The following HERC3 variants were observed in gnomAD, a reference collection of about 807,000 sequenced individuals.
HERC3 encodes the protein probable E3 ubiquitin-protein ligase HERC3.
HERC3 carries 58 observed loss-of-function variants against 129.9 expected under a neutral mutation model. The ratio of observed to expected loss-of-function variants is 0.45; its 90% CI spans 0.36 to 0.56. The LOEUF is 0.56. HERC3 is among the 20% of genes least tolerant of loss of function. The probability of loss-of-function intolerance (pLI) is 0.00; values close to 1 mark genes in which losing one functional copy is unlikely to be tolerated. For synonymous variants in HERC3, 430 were observed against 451.0 expected (o/e 0.95, Z 0.59); for missense variants, 835 against 1,244.2 (o/e 0.67, Z 4.95).
intron 16 of HERC3, among the ~76,000 whole-genome samples, chr4:88,674,682 G>A (rs552833807): frequency 6.6e-6 from 1 of 151,618 alleles, no homozygotes; most frequent in South Asian, 2.1e-4. Context: ...TTATGGTGTG[G>A]TTTTGTTTTT....
intron 8 of HERC3, 128 bp from the exon 9 acceptor site, chr4:88,655,747 G>A (rs1400348813): frequency 3.6e-6 from 3 of 833,602 alleles, no homozygotes; most frequent in South Asian, 1.8e-5. Flanking sequence ...GAAGAGTCAC[G>A]TGTTAACATG....
chr4:88,664,978 T>C (rs1730888759), intron 12 of HERC3, among the ~76,000 whole-genome samples: 1 of 152,206 alleles, frequency 6.6e-6, no homozygotes, highest in Non-Finnish European at 1.5e-5. Context: ...TTTGGATCTT[T>C]GGTAATCCCA....
intron 3 of HERC3, among the ~76,000 whole-genome samples, chr4:88,622,669 G>A (rs557172024): frequency 2.2e-4 from 33 of 152,110 alleles, no homozygotes; most frequent in Admixed American, 1.8e-3. Flanking sequence ...GGTGGCTCAC[G>A]CCTGTAATCC....
At chr4:88,558,071 C>CA in the HERC3 span, among the ~76,000 whole-genome samples, 3,474 of 38,648 alleles carry the variant, frequency 0.09, 171 homozygotes, top group South Asian at 0.16. Context: ...GACTCTGACT[C>CA]AAAAAAAAAA....
chr4:88,609,573 T>G (rs964398844), intron 3 of HERC3, among the ~76,000 whole-genome samples: 8 of 152,184 alleles, frequency 5.3e-5, no homozygotes, highest in African/African-American at 1.9e-4. Context: ...GCAAGTTTCT[T>G]CCTATTTCTG....
At chr4:88,665,229 T>C (rs1036308014) in intron 12 of HERC3, among the ~76,000 whole-genome samples, 15 of 151,996 alleles carry the variant, frequency 9.9e-5, no homozygotes, top group African/African-American at 3.6e-4. Context: ...ATTATGGAGG[T>C]TGAGAGATCC....
the HERC3 span, among the ~76,000 whole-genome samples, chr4:88,528,546 A>G: frequency 2.6e-5 from 4 of 152,114 alleles, no homozygotes; most frequent in African/African-American, 4.8e-5. Context: ...CCTCTGTGTC[A>G]TGCCCAGTCT....
At chr4:88,660,843 G>C (rs1006714530) in intron 10 of HERC3, among the ~76,000 whole-genome samples, 1 of 152,106 alleles carries the variant, frequency 6.6e-6, no homozygotes, top group African/African-American at 2.4e-5. Flanking sequence ...GATGACTCTA[G>C]AGATTCTGAT....
In HERC3 at chr4:88,685,431, G is replaced by A. The variant is rs190208673; in HGVS notation, c.2508-1305G>A. On this transcript the variant is annotated intron_variant, in intron 21 of 25. Transcript: ENST00000402738. ...ACTATGCAGCCATAAAAATGAATGA[G>A]TTTATGTCCTTTGCAGGGACATGGA... 1.0e-3 allele frequency among the ~76,000 whole-genome samples: 157 copies of A among 152,322 alleles called. 2 individuals are homozygous for A. Among genetic ancestry groups the A allele is most frequent in the Non-Finnish European group, 7.6e-4 (52 of 68,012 alleles).
At position 88,708,304 on chromosome 4, in the gene HERC3, T is replaced by G. The variant is rs969031655; in HGVS notation, c.*1344T>G. On this transcript the variant is annotated 3_prime_UTR_variant, in exon 26 of 26. Transcript: ENST00000402738. Reference sequence around the variant, plus strand: ...CCTAGTAACTAGAGAAAAGACTTATTTATATAAAATGAAGTATTTATGAAC... The same window carrying G: ...CCTAGTAACTAGAGAAAAGACTTATGTATATAAAATGAAGTATTTATGAAC... 6.6e-6 allele frequency: 1 copy of G among 152,614 alleles called. No individual in the cohort carries two copies. The highest frequency in any genetic ancestry group is 1.5e-5 in the Non-Finnish European group (1 of 68,042). The allele number at this position is 152,614 out of a possible 1,614,324, so 9.5% of individuals were successfully genotyped here. A position where few individuals can be genotyped will look rare whatever the true frequency, so the allele number is the denominator to read the frequency against.
At chr4:88,624,012 G>T (rs751120686) in intron 3 of HERC3, among the ~76,000 whole-genome samples, 5 of 152,072 alleles carry the variant, frequency 3.3e-5, no homozygotes, top group African/African-American at 4.8e-5. Flanking sequence ...GACTTATCTA[G>T]AACTTTGTAT....
At chr4:88,681,950 T>C (rs1258657082) in intron 21 of HERC3, among the ~76,000 whole-genome samples, 2 of 152,258 alleles carry the variant, frequency 1.3e-5, no homozygotes, top group Non-Finnish European at 2.9e-5. Flanking sequence ...TCAGTCAACC[T>C]CTCTGCAAAT....
intron 3 of HERC3, among the ~76,000 whole-genome samples, chr4:88,639,830 C>T (rs757287434): frequency 3.9e-5 from 6 of 152,052 alleles, no homozygotes; most frequent in Non-Finnish European, 8.8e-5. Flanking sequence ...TTGCACTCTA[C>T]CCATCTGACA....
chr4:88,594,241 T>C (rs1722089547), intron 1 of HERC3, among the ~76,000 whole-genome samples: 3 of 152,244 alleles, frequency 2.0e-5, no homozygotes, highest in African/African-American at 7.2e-5. Context: ...TTTAAATTTC[T>C]TAAGATTTGT....
chr4:88,637,954 A>G (rs867561195), intron 3 of HERC3, among the ~76,000 whole-genome samples: 5 of 149,300 alleles, frequency 3.3e-5, no homozygotes, highest in African/African-American at 1.0e-4. Flanking sequence ...AGAGAATACT[A>G]TTAACACCTC....
chr4:88,588,000 G>A (rs1224042367), upstream of HERC3, among the ~76,000 whole-genome samples: 1 of 152,230 alleles, frequency 6.6e-6, no homozygotes, highest in Non-Finnish European at 1.5e-5. Flanking sequence ...AATCTTCAGA[G>A]ACCAGCTAAT....
rs566276348 is a variant in HERC3 at position 88,615,685 on chromosome 4, A to G, written c.226+9636A>G. Among the ~76,000 whole-genome samples the G allele has an allele frequency of 3.9e-5, 6 of 152,306 alleles. No individual in the cohort carries two copies. The South Asian group carries it at 1.0e-3, about 26-fold the overall frequency. On this transcript the variant is annotated intron_variant, in intron 3 of 25. Transcript: ENST00000402738. ...ATGTAGATAATAATGTCTACTTATT[A>G]GGGTTGTGAAGATTTAATACATTGC... is the stretch of plus-strand genomic sequence containing the variant.
At chr4:88,635,711 G>A (rs1727305210) in intron 3 of HERC3, among the ~76,000 whole-genome samples, 1 of 152,022 alleles carries the variant, frequency 6.6e-6, no homozygotes, top group Admixed American at 6.6e-5. Context: ...ATTCACCAAG[G>A]TCAAAATGAA....
intron 3 of HERC3, among the ~76,000 whole-genome samples, chr4:88,619,596 A>G (rs2860303): frequency 0.054 from 8,275 of 152,282 alleles, 601 homozygotes; most frequent in East Asian, 0.27. Flanking sequence ...AAGCCATAAG[A>G]GAAATGATTG....
Sources: allele counts gnomAD v4.1 joint callset (sites outside exome capture counted in the v4.1 genomes callset), GRCh38; gene constraint gnomAD v4.1.1; transcripts MANE v1.5; gene names NCBI Gene and HGNC (gene_info 2026-07-23, HGNC 2026-07-21).